Variants in ZNF407 observed in about 807,000 individuals in gnomAD.
ZNF407 encodes zinc finger protein 407.
In ZNF407, 17 loss-of-function variants were observed where a neutral mutation model predicts 131.2. That is an observed-to-expected ratio of 0.13 (90% CI 0.09 to 0.19). The LOEUF (loss-of-function observed/expected upper bound fraction) is 0.19, where lower values mean the gene tolerates loss of function less well. ZNF407 is among the 10% of genes least tolerant of loss of function. The probability of loss-of-function intolerance (pLI) is 1.00; values close to 1 mark genes in which losing one functional copy is unlikely to be tolerated. For missense variants in ZNF407, 2,681 were observed against 2,830.6 expected (o/e 0.95, Z 1.20); for synonymous variants, 1,156 against 1,062.0 (o/e 1.09, Z -1.72).
At chr18:75,050,731 C>T (rs1364447007) in intron 8 of ZNF407, among the ~76,000 whole-genome samples, 1 of 152,248 alleles carries the variant, frequency 6.6e-6, no homozygotes, top group Non-Finnish European at 1.5e-5. Context: ...AAGACACCCT[C>T]TTTCTCTTCC....
At chr18:74,791,176 G>A (rs1444618089) in intron 4 of ZNF407, among the ~76,000 whole-genome samples, 3 of 152,226 alleles carry the variant, frequency 2.0e-5, no homozygotes, top group East Asian at 1.9e-4. Flanking sequence ...TGTCATTTCC[G>A]TTAGTCCTTT....
At chr18:74,909,123 C>CA (rs11385324) in intron 7 of ZNF407, among the ~76,000 whole-genome samples, 140,577 of 147,048 alleles carry the variant, frequency 0.96, 67,453 homozygotes, top group East Asian at 1. Flanking sequence ...ATAAACAGGC[C>CA]AAAAAAAAAA....
intron 4 of ZNF407, among the ~76,000 whole-genome samples, chr18:74,813,175 C>G (rs530426861): frequency 6.6e-6 from 1 of 152,132 alleles, no homozygotes; most frequent in Non-Finnish European, 1.5e-5. Context: ...GATTGTGCTG[C>G]GCTGGCTTGC....
At chr18:74,684,428 A>G (rs547303964) in intron 3 of ZNF407, among the ~76,000 whole-genome samples, 27 of 152,330 alleles carry the variant, frequency 1.8e-4, no homozygotes, top group African/African-American at 5.5e-4. Flanking sequence ...ATATATTTAA[A>G]AAGATGAATA....
intron 1 of ZNF407, among the ~76,000 whole-genome samples, chr18:74,611,423 C>G (rs1983054834): frequency 1.3e-5 from 2 of 152,162 alleles, no homozygotes; most frequent in South Asian, 4.1e-4. Flanking sequence ...GACTACAAAT[C>G]AGTAAGAACA....
At chr18:74,785,826 A>G (rs1314287622) in intron 4 of ZNF407, among the ~76,000 whole-genome samples, 1 of 151,814 alleles carries the variant, frequency 6.6e-6, no homozygotes, top group Admixed American at 6.6e-5. Context: ...TGGCATGCAC[A>G]TGTCACTCAC....
At chr18:74,875,485 A>C (rs1031568572) in intron 4 of ZNF407, among the ~76,000 whole-genome samples, 2 of 152,216 alleles carry the variant, frequency 1.3e-5, no homozygotes, top group Non-Finnish European at 2.9e-5. Context: ...TATTTGTTAA[A>C]AGATAGTATC....
At chr18:74,989,988 A>G (rs1188520717) in intron 8 of ZNF407, among the ~76,000 whole-genome samples, 4 of 152,226 alleles carry the variant, frequency 2.6e-5, no homozygotes, top group South Asian at 2.1e-4. Flanking sequence ...AAAATCAAAC[A>G]TCTAATATTC....
At chr18:74,639,678 G>A (rs960906169) in intron 2 of ZNF407, among the ~76,000 whole-genome samples, 1 of 152,156 alleles carries the variant, frequency 6.6e-6, no homozygotes, top group Non-Finnish European at 1.5e-5. Flanking sequence ...AATATTAAGA[G>A]ATCTGGCTTC....
At chr18:74,911,120 C>T (rs1460279181) in intron 7 of ZNF407, among the ~76,000 whole-genome samples, 1 of 152,180 alleles carries the variant, frequency 6.6e-6, no homozygotes, top group Non-Finnish European at 1.5e-5. Context: ...TTAGTACATA[C>T]TGTTTTACAT....
At chr18:74,696,874 C>T (rs1462438483) in intron 3 of ZNF407, among the ~76,000 whole-genome samples, 1 of 152,084 alleles carries the variant, frequency 6.6e-6, no homozygotes, top group African/African-American at 2.4e-5. Flanking sequence ...CCTTCACAGA[C>T]CTTTTTTGTT....
intron 8 of ZNF407, among the ~76,000 whole-genome samples, chr18:74,955,412 C>A (rs1235725506): frequency 6.6e-6 from 1 of 152,060 alleles, no homozygotes; most frequent in East Asian, 1.9e-4. Context: ...AAGTTGCAAA[C>A]CCCAGAATCA....
At chr18:75,010,218 T>C (rs924867754) in intron 8 of ZNF407, among the ~76,000 whole-genome samples, 1 of 152,154 alleles carries the variant, frequency 6.6e-6, no homozygotes, top group Non-Finnish European at 1.5e-5. Flanking sequence ...TATTTCCCCC[T>C]GTCTACATGA....
At chr18:74,933,548 A>G (rs979662073) in intron 8 of ZNF407, among the ~76,000 whole-genome samples, 2 of 152,222 alleles carry the variant, frequency 1.3e-5, no homozygotes, top group African/African-American at 4.8e-5. Flanking sequence ...TAGGATGGTA[A>G]CTTTTATGTA....
chr18:74,668,477 C>T (rs1180582058), intron 3 of ZNF407, among the ~76,000 whole-genome samples: 5 of 152,210 alleles, frequency 3.3e-5, no homozygotes, highest in Non-Finnish European at 7.3e-5. Flanking sequence ...TCTCCACAGC[C>T]TTTAAAGTTT....
chr18:74,931,355 C>G (rs961592210), intron 8 of ZNF407, among the ~76,000 whole-genome samples: 1 of 152,102 alleles, frequency 6.6e-6, no homozygotes, highest in Admixed American at 6.5e-5. Flanking sequence ...TGTCACTCAA[C>G]AAGAGCAAGG....
At chr18:74,994,207 GC>G (rs1168158001) in intron 8 of ZNF407, among the ~76,000 whole-genome samples, 19 of 151,820 alleles carry the variant, frequency 1.3e-4, no homozygotes, top group African/African-American at 4.4e-4. Context: ...GAGTAAAAGA[GC>G]ATCAGTTCTT....
At chr18:74,739,923 TA>T (rs1430827509) in intron 3 of ZNF407, among the ~76,000 whole-genome samples, 17 of 152,204 alleles carry the variant, frequency 1.1e-4, no homozygotes, top group African/African-American at 4.1e-4. Flanking sequence ...TTGTCTTTTT[TA>T]TGATACCTTT....
intron 4 of ZNF407, among the ~76,000 whole-genome samples, chr18:74,797,560 T>C (rs1969943187): frequency 6.6e-6 from 1 of 152,234 alleles, no homozygotes; most frequent in South Asian, 2.1e-4. Context: ...CAGAATTGTA[T>C]TGTGGGAGTA....
Sources: gnomAD v4.1 joint callset for allele counts (sites outside exome capture counted in the v4.1 genomes callset) on GRCh38, gnomAD v4.1.1 for gene constraint, MANE v1.5 for transcripts, NCBI Gene and HGNC (gene_info 2026-07-23, HGNC 2026-07-21) for gene names.